Variants in MORC2 observed in about 807,000 individuals in gnomAD.
MORC2 encodes the protein ATPase MORC2.
Under a neutral mutation model 136.0 loss-of-function variants are expected in MORC2, and 30 were observed. The observed-to-expected ratio is 0.22, with a 90% CI of 0.17 to 0.30. The LOEUF (loss-of-function observed/expected upper bound fraction) is 0.30. Ranked by LOEUF, MORC2 falls within the 10% of genes least tolerant of loss-of-function variation. MORC2 has a pLI of 1.00. For synonymous variants in MORC2, 439 were observed against 487.0 expected, an observed-to-expected ratio of 0.90 and a Z score of 1.30; for missense variants, 922 against 1,333.1, an observed-to-expected ratio of 0.69 and a Z score of 4.80.
At chr22:30,944,669 C>T (rs2147272464) in intron 6 of MORC2, among the ~76,000 whole-genome samples, 1 of 152,310 alleles carries the variant, frequency 6.6e-6, no homozygotes, top group South Asian at 2.1e-4. Flanking sequence ...CTTCATTCTT[C>T]CCAATTCCAG....
chr22:30,931,333 G>T (rs2040573485), intron 24 of MORC2, among the ~76,000 whole-genome samples: 1 of 152,142 alleles, frequency 6.6e-6, no homozygotes. Flanking sequence ...GTGCTATAAT[G>T]GCAGAGTTGC....
intron 10 of MORC2, among the ~76,000 whole-genome samples, chr22:30,940,547 G>A (rs934215876): frequency 6.6e-6 from 1 of 152,200 alleles, no homozygotes; most frequent in Non-Finnish European, 1.5e-5. Context: ...CCTATAAATG[G>A]CAGAAGAAGA....
Position 30,941,692 on chromosome 22 carries a change from C to A in MORC2, c.699-134G>T. 1.5e-6 allele frequency: 2 copies of A among 1,341,032 alleles called. No homozygotes were observed. Among genetic ancestry groups the A allele is most frequent in the South Asian group, 1.4e-5 (1 of 71,938 alleles). The allele number at this position is 1,341,032 out of a possible 1,614,324, so 83.1% of individuals were successfully genotyped here. ...CTTCTGCTGCTGCCCTGAACTGGTGCTCCCTTAGTGTGAGCACCACATCCC... is the reference window on the plus strand; with the variant it reads ...CTTCTGCTGCTGCCCTGAACTGGTGATCCCTTAGTGTGAGCACCACATCCC... On this transcript the variant is annotated intron_variant, in intron 8 of 25. Transcript: ENST00000397641. This position sits in a 1 kb window ranked among gnomAD's most constrained non-coding sequence, Gnocchi z 4.6.
rs200173132 is a variant in MORC2 at position 30,939,621 on chromosome 22, C to T, written c.1073G>A (p.Arg358Gln). The T allele has an allele frequency of 9.9e-6, 16 of 1,614,040 alleles. 1 individual carries two copies. The highest frequency in any genetic ancestry group is 5.3e-5 in the African/African-American group (4 of 75,044). The change falls in exon 12 of 26, where the codon CGA becomes CAA. Residue 358 changes from arginine to glutamine, a missense_variant and splice_region_variant. Coordinates refer to ENST00000397641, the MANE Select transcript of MORC2 (RefSeq NM_001303256.3). ...VKKRIKEAKQ[R>Q]ALKEPKELNF... Reference sequence around the variant, plus strand: ...ATCCAAGGACAGGCCTGGCACTCACCGCTGCTTGGCCTCCTTGATCCTCTT... The same window carrying T: ...ATCCAAGGACAGGCCTGGCACTCACTGCTGCTTGGCCTCCTTGATCCTCTT...
intron 1 of MORC2, 24 bp downstream of exon 1, chr22:30,967,798 C>A (rs1484384832): frequency 6.4e-7 from 1 of 1,550,832 alleles, no homozygotes; most frequent in East Asian, 2.4e-5. Context: ...CTGGTTACCT[C>A]AGTGGCACCT....
intron 24 of MORC2, among the ~76,000 whole-genome samples, chr22:30,928,744 G>A: frequency 6.6e-6 from 1 of 152,186 alleles, no homozygotes; most frequent in East Asian, 1.9e-4. Context: ...CAGGGGGAGA[G>A]GTAGGAAGGG....
chr22:30,963,389 T>C, intron 1 of MORC2: 1 of 256,148 alleles, frequency 3.9e-6, no homozygotes, highest in Non-Finnish European at 4.7e-6. Flanking sequence ...TGATTATGGC[T>C]TTTTTTTTTT....
chr22:30,947,684 G>A (rs556603020), intron 5 of MORC2, among the ~76,000 whole-genome samples: 1 of 152,218 alleles, frequency 6.6e-6, no homozygotes, highest in Admixed American at 6.5e-5. Context: ...TCCTTGCCCT[G>A]AAAATTTCAC....
At chr22:30,967,632 C>T in intron 1 of MORC2, 190 bp downstream of exon 1, 1 of 1,374,808 alleles carries the variant, frequency 7.3e-7, no homozygotes, top group Non-Finnish European at 9.4e-7. Flanking sequence ...TCAGATTCTT[C>T]TGGATTAGCA....
Position 30,934,115 on chromosome 22 carries a change from T to C in MORC2, c.2270A>G (p.Glu757Gly), listed in dbSNP as rs774444542. 1.9e-5 allele frequency: 31 copies of C among 1,614,064 alleles called. No homozygotes were observed. Among genetic ancestry groups the C allele is most frequent in the Admixed American group, 1.5e-4 (9 of 60,006 alleles). Reference protein sequence around the residue: ...EVEEEAERRKERCKRGRFVVK... With the variant: ...EVEEEAERRKGRCKRGRFVVK... ...AACAAATCTGCCCCGCTTGCACCTCTCCTTCCTCCTCTCAGCTTCCTCCTC... is the reference window on the plus strand; with the variant it reads ...AACAAATCTGCCCCGCTTGCACCTCCCCTTCCTCCTCTCAGCTTCCTCCTC... The change falls in exon 20 of 26, where the codon GAG becomes GGG. Residue 757 changes from glutamate (E) to glycine (G), a missense_variant. Physicochemically the swap from Glu to Gly is moderately conservative, Grantham distance 98. Around this residue, in one of 9 missense-constraint regions of MORC2, gnomAD observed 263 missense variants for 388.3 expected, o/e 0.68. Transcript: ENST00000397641. This position sits in a 1 kb window ranked among gnomAD's most constrained non-coding sequence, Gnocchi z 4.4.
chr22:30,927,893 C>T (rs1004540515), intron 25 of MORC2, 126 bp downstream of exon 25: 3 of 1,178,774 alleles, frequency 2.5e-6, no homozygotes, highest in Non-Finnish European at 3.6e-6. Context: ...GGGTGCTGTG[C>T]AGCCAGGGTG....
chr22:30,963,439 G>T, intron 1 of MORC2: 1 of 443,498 alleles, frequency 2.3e-6, no homozygotes, highest in Non-Finnish European at 3.0e-6. Context: ...CGGCTGGAGT[G>T]CAGCGGCATG....
chr22:30,935,158 G>T lies in MORC2; in HGVS notation c.1816C>A (p.Pro606Thr), dbSNP rs779836770. The change falls in exon 19 of 26, where the codon CCT (proline) becomes ACT (threonine). Residue 606 changes from proline to threonine, a missense_variant. Around this residue, in one of 9 missense-constraint regions of MORC2, gnomAD observed 184 missense variants for 180.3 expected, o/e 1.02. Transcript: ENST00000397641. ...EVTTRPSTEEPVRRPQRPRSP... is the reference protein window; with the variant it reads ...EVTTRPSTEETVRRPQRPRSP... ...CGAGGACGCTGAGGTCTACGCACAG[G>T]TTCCTAAAAAAAGGCCCACAGAGAG... is the stretch of plus-strand genomic sequence containing the variant. 1 of 1,611,628 alleles carries T rather than the reference G, an allele frequency of 6.2e-7. No homozygotes were observed. Among genetic ancestry groups the T allele is most frequent in the Admixed American group, 1.7e-5 (1 of 59,600 alleles).
At position 30,955,986 on chromosome 22, in the gene MORC2, G is replaced by A. The variant is rs146032441; in HGVS notation, c.157+777C>T. Among the ~76,000 whole-genome samples, 4 of 128,584 alleles carry A rather than the reference G, an allele frequency of 3.1e-5. No homozygotes were observed. The East Asian group carries it at 7.1e-4, about 23-fold the overall frequency. The allele number at this position is 128,584 out of a possible 152,430, so 84.4% of individuals were successfully genotyped here. A position where few individuals can be genotyped will look rare whatever the true frequency, so the allele number is the denominator to read the frequency against. ...CGTGCCACTGCACTCCAGCCTGGGTGACAAGGTAAGACTCCATCTCAAAAA... is the reference window on the plus strand; with the variant it reads ...CGTGCCACTGCACTCCAGCCTGGGTAACAAGGTAAGACTCCATCTCAAAAA... On this transcript the variant is annotated intron_variant, in intron 3 of 25. Coordinates refer to ENST00000397641, the MANE Select transcript of MORC2 (RefSeq NM_001303256.3).
Position 30,932,765 on chromosome 22 carries a change from C to T in MORC2, c.2527G>A (p.Glu843Lys). Reference sequence around the variant, plus strand: ...AGCCGCACATCCTCACTGCCTTTCTCCACCCTGTGGAAGACACACAGCTTA... The same window carrying T: ...AGCCGCACATCCTCACTGCCTTTCTTCACCCTGTGGAAGACACACAGCTTA... ...TDTTPRDRWVEKGSEDVRLMK... is the reference protein window; with the variant it reads ...TDTTPRDRWVKKGSEDVRLMK... The change falls in exon 23 of 26, where the codon GAG becomes AAG. Residue 843 changes from glutamate to lysine, a missense_variant. Glu to Lys is a moderately conservative substitution (Grantham distance 56, BLOSUM62 1). Transcript: ENST00000397641. This position sits in a 1 kb window ranked among gnomAD's most constrained non-coding sequence, Gnocchi z 4.4. The T allele has an allele frequency of 6.2e-7, 1 of 1,614,172 alleles. No homozygotes were observed. Among genetic ancestry groups the T allele is most frequent in the Non-Finnish European group, 8.5e-7 (1 of 1,180,010 alleles).
At chr22:30,947,902 C>A (rs903254170) in intron 5 of MORC2, among the ~76,000 whole-genome samples, 1 of 152,148 alleles carries the variant, frequency 6.6e-6, no homozygotes, top group South Asian at 2.1e-4. Flanking sequence ...GCTTCTCAGC[C>A]CTATTCTCCC....
At chr22:30,931,682 T>C (rs2040577756) in intron 24 of MORC2, among the ~76,000 whole-genome samples, 1 of 152,232 alleles carries the variant, frequency 6.6e-6, no homozygotes, top group Non-Finnish European at 1.5e-5. Context: ...GCACATTTTC[T>C]TCCAACTCAG....
At position 30,967,939 on chromosome 22, in the gene MORC2, C is replaced by T. The variant is rs1031018349; in HGVS notation, c.-50G>A. On this transcript the variant is annotated 5_prime_UTR_variant, in exon 1 of 26. Coordinates refer to ENST00000397641, the MANE Select transcript of MORC2 (RefSeq NM_001303256.3). ...TCACCCGCTAACTGGGAAATATAAC[C>T]TTATAATGATATCGATTTCCCAGGA... 7 of 1,394,702 alleles carry T rather than the reference C, an allele frequency of 5.0e-6. No individual in the cohort carries two copies. The highest frequency in any genetic ancestry group is 7.0e-6 in the Non-Finnish European group (7 of 1,005,180). 86.4% of individuals were successfully genotyped at this position (1,394,702 alleles called of 1,614,324 possible).
At chr22:30,927,048 G>A (rs1039579045) in intron 25 of MORC2, among the ~76,000 whole-genome samples, 177 bp from the exon 26 acceptor site, 3 of 151,756 alleles carry the variant, frequency 2.0e-5, no homozygotes, top group African/African-American at 2.4e-5. Flanking sequence ...CTCATCTATT[G>A]TGCACAGATG....
Sources: gnomAD v4.1 joint callset for allele counts (sites outside exome capture counted in the v4.1 genomes callset) on GRCh38, gnomAD v4.1.1 for gene constraint, gnomAD v4.1.1 regional missense constraint, Gnocchi (gnomAD v3.1) non-coding constraint, MANE v1.5 for transcripts, NCBI Gene and HGNC (gene_info 2026-07-23, HGNC 2026-07-21) for gene names.